The following EYS variants were observed in gnomAD, a reference collection of about 807,000 sequenced individuals.
EYS encodes protein eyes shut homolog.
A neutral mutation model predicts 282.1 loss-of-function variants in EYS; 250 were observed. The ratio of observed to expected loss-of-function variants is 0.89; its 90% CI spans 0.80 to 0.98. EYS has a LOEUF of 0.98. Among genes scored for constraint, EYS ranks in the 50% least tolerant of loss-of-function variants. The pLI is 0.00. For synonymous variants in EYS, 1,355 were observed against 1,282.9 expected (o/e 1.06, Z -1.20); for missense variants, 4,016 against 3,709.0 (o/e 1.08, Z -2.15).
intron 28 of EYS, among the ~76,000 whole-genome samples, chr6:64,427,302 G>A (rs940513862): frequency 6.6e-6 from 1 of 152,090 alleles, no homozygotes; most frequent in African/African-American, 2.4e-5. Context: ...CAACATGCAA[G>A]GTCATAACAG....
chr6:64,380,963 C>T (rs1772727044), intron 29 of EYS, among the ~76,000 whole-genome samples: 4 of 148,874 alleles, frequency 2.7e-5, no homozygotes, highest in Admixed American at 2.0e-4. Flanking sequence ...TGCAGTGAGC[C>T]GAGAAATCGT....
chr6:64,828,448 T>A (rs1765123429), intron 19 of EYS, among the ~76,000 whole-genome samples: 1 of 151,934 alleles, frequency 6.6e-6, no homozygotes, highest in Admixed American at 6.6e-5. Context: ...TAGAAGACTC[T>A]ATGGTATTAA....
intron 30 of EYS, among the ~76,000 whole-genome samples, chr6:64,268,828 T>C (rs2150356405): frequency 6.6e-6 from 1 of 152,240 alleles, no homozygotes; most frequent in East Asian, 1.9e-4. Flanking sequence ...GAGGAGGTTG[T>C]ATTTGGAGAT....
chr6:65,295,020 T>C (rs1768623606), intron 12 of EYS, among the ~76,000 whole-genome samples: 1 of 151,910 alleles, frequency 6.6e-6, no homozygotes, highest in African/African-American at 2.4e-5. Context: ...TTAAATTGCT[T>C]CCAAAACCTT....
chr6:65,223,972 C>G (rs1490876225), intron 12 of EYS, among the ~76,000 whole-genome samples: 1 of 152,122 alleles, frequency 6.6e-6, no homozygotes, highest in Non-Finnish European at 1.5e-5. Context: ...GTAACTTGTA[C>G]ACGAGTGTCC....
chr6:65,492,955 C>T (rs1400217949), intron 4 of EYS, among the ~76,000 whole-genome samples: 2 of 152,108 alleles, frequency 1.3e-5, no homozygotes, highest in Non-Finnish European at 2.9e-5. Context: ...CTCCCTTCAT[C>T]GCCCAGGCTG....
At chr6:63,893,277 A>G (rs1386136370) in intron 35 of EYS, among the ~76,000 whole-genome samples, 3 of 152,214 alleles carry the variant, frequency 2.0e-5, no homozygotes, top group Admixed American at 6.5e-5. Flanking sequence ...ACATGCACAC[A>G]TATGTTGCTT....
chr6:64,739,109 T>C (rs115935809), intron 22 of EYS, among the ~76,000 whole-genome samples: 2 of 152,214 alleles, frequency 1.3e-5, no homozygotes, highest in African/African-American at 4.8e-5. Context: ...TTCACTCTAC[T>C]GAGCTGGACC....
At chr6:63,883,717 T>G (rs903625352) in intron 35 of EYS, among the ~76,000 whole-genome samples, 1 of 152,210 alleles carries the variant, frequency 6.6e-6, no homozygotes, top group Non-Finnish European at 1.5e-5. Context: ...CCTCTGCTTT[T>G]GGGGGAATTC....
intron 31 of EYS, among the ~76,000 whole-genome samples, chr6:64,174,560 G>A (rs1237352450): frequency 1.3e-5 from 2 of 151,446 alleles, no homozygotes; most frequent in Non-Finnish European, 3.0e-5. Flanking sequence ...CATATGTTAA[G>A]GTTAACCCTA....
intron 13 of EYS, among the ~76,000 whole-genome samples, chr6:65,002,750 T>A (rs973839988): frequency 2.7e-5 from 4 of 147,902 alleles, no homozygotes; most frequent in African/African-American, 9.7e-5. Flanking sequence ...GCTGAAGCCA[T>A]GGCAGAAGAA....
At chr6:64,921,306 C>A (rs567436163) in intron 15 of EYS, among the ~76,000 whole-genome samples, 1 of 152,076 alleles carries the variant, frequency 6.6e-6, no homozygotes, top group African/African-American at 2.4e-5. Context: ...ATTATTAACC[C>A]ATTATTTTAT....
intron 2 of EYS, among the ~76,000 whole-genome samples, chr6:65,568,835 C>A (rs1764374383): frequency 6.6e-6 from 1 of 152,140 alleles, no homozygotes; most frequent in South Asian, 2.1e-4. Flanking sequence ...GTATAAAAAA[C>A]ACTGATGAAA....
chr6:65,143,952 G>A (rs1764412606), intron 12 of EYS, among the ~76,000 whole-genome samples: 2 of 152,112 alleles, frequency 1.3e-5, no homozygotes, highest in South Asian at 2.1e-4. Flanking sequence ...TTGTACAACA[G>A]TGAGTTCCTC....
intron 19 of EYS, among the ~76,000 whole-genome samples, chr6:64,885,757 C>A (rs4710505): frequency 0.043 from 6,542 of 151,740 alleles, 201 homozygotes; most frequent in East Asian, 0.17. Context: ...AGGAAAGACA[C>A]CTTCATATTT....
intron 35 of EYS, among the ~76,000 whole-genome samples, chr6:63,934,115 A>T (rs1173708369): frequency 6.6e-6 from 1 of 152,246 alleles, no homozygotes; most frequent in Non-Finnish European, 1.5e-5. Flanking sequence ...TTCTCAAAAG[A>T]AGACACTTAT....
At chr6:64,371,741 A>T (rs780340293) in intron 29 of EYS, among the ~76,000 whole-genome samples, 4 of 152,084 alleles carry the variant, frequency 2.6e-5, no homozygotes, top group African/African-American at 7.2e-5. Context: ...CTTCTAGTTG[A>T]ATTAGACCTT....
chr6:63,985,440 T>G (rs926820377), intron 34 of EYS, among the ~76,000 whole-genome samples: 5 of 151,742 alleles, frequency 3.3e-5, no homozygotes, highest in African/African-American at 1.2e-4. Flanking sequence ...TTTGTGGTAC[T>G]TTGCTATGGC....
chr6:64,879,052 T>A (rs897916767), intron 19 of EYS, among the ~76,000 whole-genome samples: 3 of 152,096 alleles, frequency 2.0e-5, no homozygotes, highest in African/African-American at 7.2e-5. Flanking sequence ...GTAGAAAAAA[T>A]AAGTTGAATT....
Sources: gnomAD v4.1 joint callset for allele counts (sites outside exome capture counted in the v4.1 genomes callset) on GRCh38, gnomAD v4.1.1 for gene constraint, MANE v1.5 for transcripts, NCBI Gene and HGNC (gene_info 2026-07-23, HGNC 2026-07-21) for gene names.